ABI2: variants seen among roughly 807,000 people sequenced by gnomAD.
ABI2 encodes abelson interactor 2.
Under a neutral mutation model 59.2 loss-of-function variants are expected in ABI2, and 25 were observed. That is an observed-to-expected ratio of 0.42 (90% CI 0.31 to 0.59). The LOEUF is 0.59. ABI2 is among the 20% of genes least tolerant of loss of function. The pLI is 0.14. For synonymous variants in ABI2, 213 were observed against 235.5 expected, an observed-to-expected ratio of 0.90 and a Z score of 0.87; for missense variants, 545 against 681.8, an observed-to-expected ratio of 0.80 and a Z score of 2.23.
intron 11 of ABI2, among the ~76,000 whole-genome samples, chr2:203,418,408 T>C (rs2098011486): frequency 6.6e-6 from 1 of 152,222 alleles, no homozygotes; most frequent in South Asian, 2.1e-4. Flanking sequence ...TGCAGTGATC[T>C]CAGGGCTTGA....
At chr2:203,418,497 C>T (rs938935393) in intron 11 of ABI2, among the ~76,000 whole-genome samples, 6 of 152,362 alleles carry the variant, frequency 3.9e-5, no homozygotes, top group African/African-American at 9.6e-5. Context: ...CTGACGGCCT[C>T]GGCTTCTTCA....
At position 203,391,252 on chromosome 2, in the gene ABI2, T is replaced by C. The variant is rs1228754130; in HGVS notation, c.578+109T>C. The stretch of plus-strand genomic sequence containing the variant: ...ATATTTGAAGAGAGAACATTTTCTT[T>C]GTAGGATTGTTGTTTGTGTGTATAA... On this transcript the variant is annotated intron_variant, in intron 5 of 11. Transcript: ENST00000261018. 3 of 748,490 alleles carry C rather than the reference T, an allele frequency of 4.0e-6. No individual in the cohort carries two copies. The African/African-American group carries it at 5.5e-5, about 14-fold the overall frequency. 46.4% of individuals were successfully genotyped at this position (748,490 alleles called of 1,614,324 possible). A position where few individuals can be genotyped will look rare whatever the true frequency, so the allele number is the denominator to read the frequency against.
intron 1 of ABI2, among the ~76,000 whole-genome samples, chr2:203,354,870 A>G (rs1189906100): frequency 2.6e-5 from 4 of 152,194 alleles, no homozygotes; most frequent in African/African-American, 9.6e-5. Context: ...CGATATAAAC[A>G]TTTCTGGAAA....
chr2:203,415,949 A>G (rs1227526903), intron 10 of ABI2, among the ~76,000 whole-genome samples: 1 of 152,246 alleles, frequency 6.6e-6, no homozygotes, highest in Non-Finnish European at 1.5e-5. Context: ...CTGATAGTAC[A>G]CTTGGACATT....
intron 2 of ABI2, among the ~76,000 whole-genome samples, chr2:203,374,256 T>TG (rs2095524088): frequency 6.6e-6 from 1 of 152,068 alleles, no homozygotes; most frequent in Non-Finnish European, 1.5e-5. Context: ...CCCAGCACTT[T>TG]GAGAGGCTAA....
rs190095392 is a variant in ABI2, at chr2:203,421,420, T to C, written c.1453+4339T>C. On this transcript the variant is annotated intron_variant, in intron 11 of 11. Coordinates refer to ENST00000261018, the MANE Select transcript of ABI2 (RefSeq NM_001375670.1). ...TATCATCAAGGTCTTTCTTAAATTT[T>C]GTTGAAAGCAAAGGAATAAGAGCCA... 3.9e-5 allele frequency among the ~76,000 whole-genome samples: 6 copies of C among 152,366 alleles called. No individual in the cohort carries two copies. In the East Asian group the frequency reaches 1.2e-3, roughly 29 times the overall value.
At chr2:203,344,408 C>T (rs2081909554) in intron 1 of ABI2, among the ~76,000 whole-genome samples, 2 of 151,612 alleles carry the variant, frequency 1.3e-5, no homozygotes, top group Admixed American at 6.6e-5. Context: ...CTCTATTGCC[C>T]AGGTTGGAGT....
At chr2:203,350,694 T>C (rs1576427105) in intron 1 of ABI2, among the ~76,000 whole-genome samples, 1 of 151,828 alleles carries the variant, frequency 6.6e-6, no homozygotes, top group East Asian at 1.9e-4. Context: ...TGCCCGCCAC[T>C]GTGCGCAGCT....
In ABI2 at chr2:203,392,329, A is replaced by G. The variant is rs3950504; in HGVS notation, c.578+1186A>G. Among the ~76,000 whole-genome samples the G allele has an allele frequency of 1.1e-4, 13 of 123,642 alleles. 1 individual carries two copies. Among genetic ancestry groups the G allele is most frequent in the African/African-American group, 1.7e-4 (6 of 34,842 alleles). The allele number at this position is 123,642 out of a possible 152,430, so 81.1% of individuals were successfully genotyped here. On this transcript the variant is annotated intron_variant, in intron 5 of 11. Transcript: ENST00000261018. ...ACCACCACCACCAACAACAACAACA[A>G]CAACAACAACAACAAAACAACCACA...
chr2:203,358,110 TG>T (rs1205559438), intron 1 of ABI2, among the ~76,000 whole-genome samples: 7 of 116,108 alleles, frequency 6.0e-5, no homozygotes, highest in Non-Finnish European at 1.3e-4. Flanking sequence ...TGTGTGTGTG[TG>T]TGTTTGTTTG....
At position 203,349,936 on chromosome 2, in the gene ABI2, T is replaced by C. The variant is rs76882447; in HGVS notation, c.118-16941T>C. On this transcript the variant is annotated intron_variant, in intron 1 of 11. Transcript: ENST00000261018. ...CTAAGAGTAGAATTGCTGGATCATA[T>C]GGTAACTGTATATTTAACCATTTGA... is the stretch of plus-strand genomic sequence containing the variant. Among the ~76,000 whole-genome samples, 4 of 152,192 alleles carry C rather than the reference T, an allele frequency of 2.6e-5. No homozygotes were observed. The East Asian group carries it at 7.7e-4, about 29-fold the overall frequency.
chr2:203,402,158 C>T (rs1452532629), intron 8 of ABI2, among the ~76,000 whole-genome samples: 1 of 152,014 alleles, frequency 6.6e-6, no homozygotes, highest in East Asian at 1.9e-4. Context: ...CCTCAGCCTC[C>T]CGAGTAGCTG....
intron 2 of ABI2, among the ~76,000 whole-genome samples, chr2:203,377,478 T>C (rs942794552): frequency 2.0e-5 from 3 of 152,224 alleles, no homozygotes; most frequent in African/African-American, 7.2e-5. Flanking sequence ...GATTGTGTTA[T>C]CTGATGAACC....
rs575156985 is a variant in ABI2, at chr2:203,419,571, G to C, written c.1453+2490G>C. Reference sequence around the variant, plus strand: ...TTTTTTTTTTTTTGGTAGAGACGGGGTTTCACCGTGTTAGCCAGGATGGTC... The same window carrying C: ...TTTTTTTTTTTTTGGTAGAGACGGGCTTTCACCGTGTTAGCCAGGATGGTC... On this transcript the variant is annotated intron_variant, in intron 11 of 11. Coordinates refer to ENST00000261018, the MANE Select transcript of ABI2 (RefSeq NM_001375670.1). Among the ~76,000 whole-genome samples the C allele has an allele frequency of 2.6e-4, 38 of 148,928 alleles. 1 individual carries two copies. The South Asian group carries it at 8.1e-3, about 32-fold the overall frequency.
intron 9 of ABI2, among the ~76,000 whole-genome samples, chr2:203,405,921 A>G (rs1238984768): frequency 1.3e-5 from 2 of 152,242 alleles, no homozygotes; most frequent in Non-Finnish European, 2.9e-5. Flanking sequence ...TGGAACACCC[A>G]GTGTCTAGTG....
intron 1 of ABI2, among the ~76,000 whole-genome samples, chr2:203,358,748 A>C (rs2092832732): frequency 6.6e-6 from 1 of 152,178 alleles, no homozygotes; most frequent in Non-Finnish European, 1.5e-5. Flanking sequence ...GGTGATTCAC[A>C]CCTGTAATTC....
At chr2:203,424,970 T>C (rs1276541382) in intron 11 of ABI2, among the ~76,000 whole-genome samples, 1 of 151,348 alleles carries the variant, frequency 6.6e-6, no homozygotes, top group Non-Finnish European at 1.5e-5. Context: ...TTTGCTGAGC[T>C]CAGGTGATTC....
chr2:203,330,065 C>G (rs186337584), intron 1 of ABI2, among the ~76,000 whole-genome samples: 3 of 152,128 alleles, frequency 2.0e-5, no homozygotes, highest in Non-Finnish European at 4.4e-5. Context: ...ATTTTCATGT[C>G]TTAGTGTAAA....
In ABI2 at chr2:203,411,303, C is replaced by G; in HGVS notation, c.1211C>G (p.Pro404Arg). The G allele has an allele frequency of 6.2e-7, 1 of 1,613,688 alleles. No homozygotes were observed. ...TTTGCAGTATCTCTTGCTCCTCCTC[C>G]TCCCTCCATCCTACAGGTAACTCCT... ...SQNPVSLAPP[P>R]PSILQVTPQL... The change falls in exon 10 of 12, where the codon CCT (proline) becomes CGT (arginine). Residue 404 changes from proline to arginine, a missense_variant. Physicochemically the swap from Pro to Arg is moderately radical, Grantham distance 103. Around this residue, in one of 4 missense-constraint regions of ABI2, gnomAD observed 410 missense variants for 435.6 expected, o/e 0.94. Coordinates refer to ENST00000261018, the MANE Select transcript of ABI2 (RefSeq NM_001375670.1).
Sources: gnomAD v4.1 joint callset for allele counts (sites outside exome capture counted in the v4.1 genomes callset) on GRCh38, gnomAD v4.1.1 for gene constraint, gnomAD v4.1.1 regional missense constraint, MANE v1.5 for transcripts, NCBI Gene and HGNC (gene_info 2026-07-23, HGNC 2026-07-21) for gene names.